Variants in NUDT6 observed in about 807,000 individuals in gnomAD.
NUDT6 encodes FAD diphosphatase NUDT6.
In NUDT6, 24 loss-of-function variants were observed where a neutral mutation model predicts 36.8. That is an observed-to-expected ratio of 0.65 (90% CI 0.47 to 0.92). The LOEUF (loss-of-function observed/expected upper bound fraction) is 0.92. Ranked by LOEUF, NUDT6 falls within the 40% of genes least tolerant of loss-of-function variation. NUDT6 has a pLI of 0.00. For missense variants in NUDT6, 388 were observed against 392.8 expected (o/e 0.99, Z 0.10); for synonymous variants, 163 against 157.0 (o/e 1.04, Z -0.29).
chr4:122,895,421 T>C lies in NUDT6; in HGVS notation c.554-2196A>G, dbSNP rs1328026390. ...TATATTTGTTATTTCTATTTTGTTA[T>C]ATTTAATAATAGAATTAGATTGAAA... On this transcript the variant is annotated intron_variant, in intron 4 of 4. Coordinates refer to ENST00000304430, the MANE Select transcript of NUDT6 (RefSeq NM_007083.5). The C allele has an allele frequency of 3.3e-5, 5 of 152,360 alleles. 1 individual carries two copies. The South Asian group carries it at 8.3e-4, about 25-fold the overall frequency. The allele number at this position is 152,360 out of a possible 1,614,324, so 9.4% of individuals were successfully genotyped here.
chr4:122,910,086 A>G (rs1727702945), intron 3 of NUDT6, among the ~76,000 whole-genome samples: 2 of 152,370 alleles, frequency 1.3e-5, no homozygotes, highest in East Asian at 1.9e-4. Context: ...TTTAACAGAG[A>G]ACCATAAAAG....
intron 3 of NUDT6, among the ~76,000 whole-genome samples, chr4:122,907,747 C>T (rs1727649865): frequency 6.6e-6 from 1 of 152,134 alleles, no homozygotes; most frequent in Non-Finnish European, 1.5e-5. Flanking sequence ...CTGCGCCCGG[C>T]CCCTTTACTT....
chr4:122,907,967 T>C (rs1489366432), intron 3 of NUDT6, among the ~76,000 whole-genome samples: 1 of 152,188 alleles, frequency 6.6e-6, no homozygotes, highest in African/African-American at 2.4e-5. Context: ...AAGCAGCATA[T>C]ATCATATTTG....
At chr4:122,907,543 C>T (rs1727644057) in intron 3 of NUDT6, among the ~76,000 whole-genome samples, 2 of 150,954 alleles carry the variant, frequency 1.3e-5, no homozygotes, top group Admixed American at 6.6e-5. Flanking sequence ...CTCCACCTCC[C>T]GGGTTCATGC....
At chr4:122,912,542 C>T in intron 3 of NUDT6, 26 bp downstream of exon 3, 1 of 1,514,356 alleles carries the variant, frequency 6.6e-7, no homozygotes, top group South Asian at 1.1e-5. Context: ...ATTTAGGAAG[C>T]AATTTATAAA....
rs1029997213 is a variant in NUDT6, at chr4:122,897,467, C to T, written c.553+157G>A. 6.2e-6 allele frequency: 4 copies of T among 649,052 alleles called. No homozygotes were observed. In the East Asian group the frequency reaches 1.1e-4, roughly 18 times the overall value. The allele number at this position is 649,052 out of a possible 1,614,324, so 40.2% of individuals were successfully genotyped here. ...AACTGTAATATTAGAAATTATGCTG[C>T]TAATTATATCAGCTCTGAGGTAATT... On this transcript the variant is annotated intron_variant, in intron 4 of 4. Coordinates refer to ENST00000304430, the MANE Select transcript of NUDT6 (RefSeq NM_007083.5).
At chr4:122,903,227 G>C (rs913467209) in intron 3 of NUDT6, among the ~76,000 whole-genome samples, 3 of 152,060 alleles carry the variant, frequency 2.0e-5, no homozygotes, top group Non-Finnish European at 4.4e-5. Context: ...CTACTTAGGA[G>C]TGTCATTCCT....
Position 122,892,617 on chromosome 4 carries a change from C to G in NUDT6, c.*211G>C. Reference sequence around the variant, plus strand: ...CCCTTTTATATTGCATCTGCTGTTACCCAGTGAAGCTTACCTAGAGCAATG... The same window carrying G: ...CCCTTTTATATTGCATCTGCTGTTAGCCAGTGAAGCTTACCTAGAGCAATG... On this transcript the variant is annotated 3_prime_UTR_variant, in exon 5 of 5. Transcript: ENST00000304430. 2 of 1,431,624 alleles carry G rather than the reference C, an allele frequency of 1.4e-6. No homozygotes were observed. Among genetic ancestry groups the G allele is most frequent in the Non-Finnish European group, 9.1e-7 (1 of 1,096,738 alleles). The allele number at this position is 1,431,624 out of a possible 1,614,324, so 88.7% of individuals were successfully genotyped here.
Position 122,922,576 on chromosome 4 carries a change from C to T in NUDT6, c.-4G>A. 1 of 1,591,442 alleles carries T rather than the reference C, an allele frequency of 6.3e-7. No individual in the cohort carries two copies. Reference sequence around the variant, plus strand: ...CCCAGCTCAGTGGCTGCCGCATCTCCACGCCGCTTAATTCGTCCGTTGCCC... The same window carrying T: ...CCCAGCTCAGTGGCTGCCGCATCTCTACGCCGCTTAATTCGTCCGTTGCCC... On this transcript the variant is annotated 5_prime_UTR_variant, in exon 1 of 5. Coordinates refer to ENST00000304430, the MANE Select transcript of NUDT6 (RefSeq NM_007083.5).
intron 3 of NUDT6, among the ~76,000 whole-genome samples, chr4:122,906,904 A>T (rs1420428091): frequency 6.6e-6 from 1 of 152,216 alleles, no homozygotes; most frequent in East Asian, 1.9e-4. Flanking sequence ...GCATGCTAAA[A>T]GACACTCCCA....
At position 122,922,412 on chromosome 4, in the gene NUDT6, C is replaced by T. The variant is rs374316732; in HGVS notation, c.161G>A (p.Gly54Glu). ...CCGCGCCAGGCGCACCGAGATGCCC[C>T]CGAATCTGTCCAGCTCGCCCTGCAG... ...CDLQGELDRF[G>E]GISVRLARLD... The change falls in exon 1 of 5, where the codon GGG (glycine) becomes GAG (glutamate). Residue 54 changes from glycine (G) to glutamate (E), a missense_variant. Physicochemically the swap from Gly to Glu is moderately conservative, Grantham distance 98. Transcript: ENST00000304430. 192 of 1,611,164 alleles carry T rather than the reference C, an allele frequency of 1.2e-4. No individual in the cohort carries two copies. The highest frequency in any genetic ancestry group is 1.6e-4 in the Non-Finnish European group (188 of 1,179,866).
chr4:122,901,022 A>G (rs1727511685), intron 3 of NUDT6, among the ~76,000 whole-genome samples: 1 of 152,182 alleles, frequency 6.6e-6, no homozygotes, highest in African/African-American at 2.4e-5. Context: ...AAAGAAGATG[A>G]TATCTCTATG....
upstream of NUDT6, chr4:122,922,706 T>C (rs528763419): frequency 1.0e-5 from 8 of 775,202 alleles, no homozygotes; most frequent in Non-Finnish European, 1.6e-5. Flanking sequence ...TGCAGAGCTA[T>C]GCCAAGGAGA....
intron 2 of NUDT6, among the ~76,000 whole-genome samples, chr4:122,916,278 T>A (rs777314465): frequency 1.3e-5 from 2 of 152,190 alleles, no homozygotes; most frequent in African/African-American, 2.4e-5. Flanking sequence ...AGAATCTGTG[T>A]CTTACTCTGA....
At chr4:122,901,750 T>A (rs1369980201) in intron 3 of NUDT6, among the ~76,000 whole-genome samples, 1 of 152,196 alleles carries the variant, frequency 6.6e-6, no homozygotes, top group African/African-American at 2.4e-5. Context: ...AAGGAATGAT[T>A]CATTTTCTGA....
chr4:122,893,131 T>C lies in NUDT6; in HGVS notation c.648A>G (p.Gly216=), dbSNP rs1560762230. ...TATACATATCTGACTTCCCAAAAGC[T>C]CCAGGATTTGTGTGCTGTTGCCGAA... ...LSIRQQHTNP[G]AFGKSDMYII... The change falls in exon 5 of 5, where the codon GGA becomes GGG. Residue 216 remains glycine (G), a synonymous_variant. Transcript: ENST00000304430. 1 of 1,614,172 alleles carries C rather than the reference T, an allele frequency of 6.2e-7. No homozygotes were observed. The highest frequency in any genetic ancestry group is 1.1e-5 in the South Asian group (1 of 91,080).
At chr4:122,919,705 A>G (rs1199618816) in intron 1 of NUDT6, 1 of 152,228 alleles carries the variant, frequency 6.6e-6, no homozygotes, top group East Asian at 1.9e-4. Flanking sequence ...CATATTCCAC[A>G]TCTTTGACCA....
Position 122,913,896 on chromosome 4 carries a change from G to C in NUDT6, c.443-1273C>G, listed in dbSNP as rs55867730. Among the ~76,000 whole-genome samples, 803 of 152,202 alleles carry C rather than the reference G, an allele frequency of 5.3e-3. 7 individuals carry two copies. Among genetic ancestry groups the C allele is most frequent in the African/African-American group, 0.018 (738 of 41,534 alleles). On this transcript the variant is annotated intron_variant, in intron 2 of 4. Transcript: ENST00000304430. ...AACATTACTTGTATTTAAATAATGTGGGATGACATTTTTTAAAAGATACTT... is the reference window on the plus strand; with the variant it reads ...AACATTACTTGTATTTAAATAATGTCGGATGACATTTTTTAAAAGATACTT...
At chr4:122,899,060 T>TTTTTTTTTTTTTTTTTTTG (rs70955079) in intron 3 of NUDT6, among the ~76,000 whole-genome samples, 1 of 145,032 alleles carries the variant, frequency 6.9e-6, no homozygotes, top group African/African-American at 2.5e-5. Flanking sequence ...TTTTTTTTTT[T>TTTTTTTTTTTTTTTTTTTG]AGAGATGAGA....
Sources: gnomAD v4.1 joint callset for allele counts (sites outside exome capture counted in the v4.1 genomes callset) on GRCh38, gnomAD v4.1.1 for gene constraint, MANE v1.5 for transcripts, NCBI Gene and HGNC (gene_info 2026-07-23, HGNC 2026-07-21) for gene names.